PRKACB: variants seen among roughly 807,000 people sequenced by gnomAD.
The protein encoded by PRKACB is protein kinase cAMP-activated catalytic subunit beta, also known as cAMP-dependent protein kinase catalytic subunit beta.
PRKACB carries 16 observed loss-of-function variants against 51.4 expected under a neutral mutation model. The observed-to-expected ratio is 0.31, with a 90% CI of 0.21 to 0.47. The LOEUF is 0.47. Ranked by LOEUF, PRKACB falls within the 20% of genes least tolerant of loss-of-function variation. PRKACB has a pLI of 1.00. For missense variants in PRKACB, 309 were observed against 464.5 expected (o/e 0.67, Z 3.08); for synonymous variants, 147 against 154.4 (o/e 0.95, Z 0.35).
intron 8 of PRKACB, among the ~76,000 whole-genome samples, chr1:84,210,455 C>T (rs749608730): frequency 2.6e-5 from 4 of 152,108 alleles, no homozygotes; most frequent in Non-Finnish European, 5.9e-5. Context: ...ATTTGCCTAT[C>T]TTGGACTGGC....
At chr1:84,129,127 G>A (rs1318925064) in intron 1 of PRKACB, among the ~76,000 whole-genome samples, 1 of 152,074 alleles carries the variant, frequency 6.6e-6, no homozygotes, top group Non-Finnish European at 1.5e-5. Context: ...TTAGAATTGT[G>A]AGATTAAATA....
chr1:84,142,339 A>G (rs983614270), upstream of PRKACB, among the ~76,000 whole-genome samples: 2 of 152,164 alleles, frequency 1.3e-5, no homozygotes, highest in Non-Finnish European at 2.9e-5. Flanking sequence ...AGCCTTGAAG[A>G]TGATTAGAAT....
rs565076337 is a variant in PRKACB, at chr1:84,211,081, C to A, written c.907-3072C>A. 2.6e-5 allele frequency among the ~76,000 whole-genome samples: 4 copies of A among 151,562 alleles called. No individual in the cohort carries two copies. The South Asian group carries it at 8.4e-4, about 32-fold the overall frequency. On this transcript the variant is annotated intron_variant, in intron 8 of 9. Coordinates refer to ENST00000370685, the MANE Select transcript of PRKACB (RefSeq NM_182948.4). Reference sequence around the variant, plus strand: ...TATGTCTATGATTTGAAAAGGTTCCCAAATCGTTCTGATATCTGCTGTCAC... The same window carrying A: ...TATGTCTATGATTTGAAAAGGTTCCAAAATCGTTCTGATATCTGCTGTCAC...
chr1:84,197,919 T>G, intron 7 of PRKACB, 95 bp downstream of exon 7: 1 of 850,752 alleles, frequency 1.2e-6, no homozygotes, highest in Non-Finnish European at 1.8e-6. Context: ...AATTTTACAT[T>G]TTTAATTTGA....
chr1:84,156,724 A>C (rs978712531), intron 1 of PRKACB, among the ~76,000 whole-genome samples: 1 of 152,192 alleles, frequency 6.6e-6, no homozygotes, highest in Non-Finnish European at 1.5e-5. Flanking sequence ...ATTATATAAA[A>C]ATATAAAATA....
At chr1:84,079,696 G>A (rs546018152) in intron 1 of PRKACB, among the ~76,000 whole-genome samples, 1 of 152,186 alleles carries the variant, frequency 6.6e-6, no homozygotes, top group Non-Finnish European at 1.5e-5. Flanking sequence ...ATGGAGTTTC[G>A]TTCTTGTCGC....
At chr1:84,092,995 C>T (rs1648610409) in intron 1 of PRKACB, among the ~76,000 whole-genome samples, 1 of 151,782 alleles carries the variant, frequency 6.6e-6, no homozygotes, top group Non-Finnish European at 1.5e-5. Flanking sequence ...GATTTTCCCC[C>T]CAGACGTATG....
chr1:84,094,080 A>G (rs1344544925), intron 1 of PRKACB, among the ~76,000 whole-genome samples: 1 of 151,904 alleles, frequency 6.6e-6, no homozygotes, highest in Non-Finnish European at 1.5e-5. Context: ...TTTAGTCCTT[A>G]TACATTTTTT....
intron 1 of PRKACB, among the ~76,000 whole-genome samples, chr1:84,147,333 A>T (rs1340853462): frequency 6.6e-6 from 1 of 151,970 alleles, no homozygotes; most frequent in African/African-American, 2.4e-5. Flanking sequence ...TACCTTTGCA[A>T]ATTTTATACA....
chr1:84,108,089 A>G (rs189231904), intron 1 of PRKACB, among the ~76,000 whole-genome samples: 75 of 152,268 alleles, frequency 4.9e-4, no homozygotes, highest in African/African-American at 1.1e-3. Flanking sequence ...ATGTCCATCA[A>G]TGGTAGACTG....
Position 84,236,343 on chromosome 1 carries a change from T to C in PRKACB, c.*1038T>C, listed in dbSNP as rs572197127. 1.3e-5 allele frequency: 2 copies of C among 152,706 alleles called. No homozygotes were observed. Among genetic ancestry groups the C allele is most frequent in the Non-Finnish European group, 2.9e-5 (2 of 68,016 alleles). The allele number at this position is 152,706 out of a possible 1,614,324, so 9.5% of individuals were successfully genotyped here. A position where few individuals can be genotyped will look rare whatever the true frequency, so the allele number is the denominator to read the frequency against. ...GGAAACAATATAGAGGTATTCATAT[T>C]TAAATGAGGGTTTACATTTGTTTTG... On this transcript the variant is annotated 3_prime_UTR_variant, in exon 10 of 10. Coordinates refer to ENST00000370685, the MANE Select transcript of PRKACB (RefSeq NM_182948.4).
chr1:84,182,006 A>G (rs1052419344), intron 2 of PRKACB, among the ~76,000 whole-genome samples, 194 bp from the exon 3 acceptor site: 2 of 151,974 alleles, frequency 1.3e-5, no homozygotes, highest in Non-Finnish European at 2.9e-5. Flanking sequence ...TTCTCTCCTC[A>G]GATATTAAAT....
chr1:84,214,441 G>A (rs1400936182), intron 9 of PRKACB, 124 bp downstream of exon 9: 6 of 978,828 alleles, frequency 6.1e-6, no homozygotes, highest in Non-Finnish European at 8.5e-6. Context: ...ATCTTGTGCA[G>A]GATCTAAAGT....
chr1:84,182,406 A>C, intron 3 of PRKACB, 78 bp downstream of exon 3: 1 of 1,124,144 alleles, frequency 8.9e-7, no homozygotes, highest in Non-Finnish European at 1.2e-6. Context: ...ATTCAGTATA[A>C]TGACTTACCA....
At chr1:84,164,446 A>G (rs1200335588) in intron 1 of PRKACB, 1 of 1,559,946 alleles carries the variant, frequency 6.4e-7, no homozygotes, top group Non-Finnish European at 8.7e-7. Flanking sequence ...GAAAACAGCA[A>G]TTTTTTCATA....
intron 1 of PRKACB, among the ~76,000 whole-genome samples, chr1:84,107,012 CAAAA>C (rs931695918): frequency 6.6e-6 from 1 of 151,814 alleles, no homozygotes; most frequent in Non-Finnish European, 1.5e-5. Context: ...AATGAACAAA[CAAAA>C]AAACCAAACC....
At chr1:84,082,036 C>T (rs78314344) in intron 1 of PRKACB, among the ~76,000 whole-genome samples, 46 of 152,268 alleles carry the variant, frequency 3.0e-4, no homozygotes, top group Non-Finnish European at 5.3e-4. Flanking sequence ...TAATACGTGC[C>T]AGGTTCTCTA....
chr1:84,089,486 A>C (rs896794499), intron 1 of PRKACB, among the ~76,000 whole-genome samples: 4 of 152,158 alleles, frequency 2.6e-5, no homozygotes, highest in African/African-American at 9.7e-5. Flanking sequence ...TATTCAAGGC[A>C]TGTATCATTC....
intron 1 of PRKACB, among the ~76,000 whole-genome samples, chr1:84,153,807 T>A (rs1333815503): frequency 6.6e-6 from 1 of 152,170 alleles, no homozygotes; most frequent in Admixed American, 6.6e-5. Context: ...CGATGCCATA[T>A]CTTGTGAATA....
Sources: gnomAD v4.1 joint callset for allele counts (sites outside exome capture counted in the v4.1 genomes callset) on GRCh38, gnomAD v4.1.1 for gene constraint, MANE v1.5 for transcripts, NCBI Gene and HGNC (gene_info 2026-07-23, HGNC 2026-07-21) for gene names.